RIMS2: variants seen among roughly 807,000 people sequenced by gnomAD.
RIMS2 encodes the protein regulating synaptic membrane exocytosis protein 2.
RIMS2 carries 59 observed loss-of-function variants against 174.4 expected under a neutral mutation model. The ratio of observed to expected loss-of-function variants is 0.34; its 90% confidence interval spans 0.27 to 0.42. The LOEUF (loss-of-function observed/expected upper bound fraction) is 0.42. Among genes scored for constraint, RIMS2 ranks in the 10% least tolerant of loss-of-function variants. RIMS2 has a pLI of 1.00. For synonymous variants in RIMS2, 606 were observed against 572.5 expected, an observed-to-expected ratio of 1.06 and a Z score of -0.84; for missense variants, 1,620 against 1,666.3, an observed-to-expected ratio of 0.97 and a Z score of 0.48.
chr8:104,165,982 TTAGA>T (rs1292624439), intron 19 of RIMS2, among the ~76,000 whole-genome samples: 1 of 151,926 alleles, frequency 6.6e-6, no homozygotes, highest in South Asian at 2.1e-4. Flanking sequence ...GGAAGAGATG[TTAGA>T]TAGCCTATCA....
intron 2 of RIMS2, among the ~76,000 whole-genome samples, chr8:103,762,611 C>T (rs918518242): frequency 2.6e-4 from 40 of 151,998 alleles, no homozygotes; most frequent in Admixed American, 2.5e-3. Flanking sequence ...AATTCAATAC[C>T]GTCGCCAATT....
At chr8:104,094,489 T>C (rs923951953) in intron 19 of RIMS2, 24 of 670,356 alleles carry the variant, frequency 3.6e-5, no homozygotes, top group African/African-American at 3.4e-4. Context: ...CCAAAGGGAA[T>C]AGAAGAGGGA....
chr8:103,576,159 C>T (rs556549107), intron 1 of RIMS2, among the ~76,000 whole-genome samples: 1 of 152,316 alleles, frequency 6.6e-6, no homozygotes, highest in Non-Finnish European at 1.5e-5. Flanking sequence ...CCAGCCTTCC[C>T]ACACTATAAG....
chr8:103,990,193 G>A (rs1429126436), intron 17 of RIMS2, among the ~76,000 whole-genome samples: 2 of 152,044 alleles, frequency 1.3e-5, no homozygotes, highest in African/African-American at 2.4e-5. Flanking sequence ...ATCCTAAACC[G>A]ATTTTAGGAA....
intron 3 of RIMS2, among the ~76,000 whole-genome samples, chr8:103,803,531 A>G (rs1343173188): frequency 1.3e-5 from 2 of 152,234 alleles, no homozygotes; most frequent in Non-Finnish European, 2.9e-5. Flanking sequence ...CCACCATATG[A>G]CAACTAACTG....
At chr8:103,624,573 C>T (rs956557011) in intron 1 of RIMS2, among the ~76,000 whole-genome samples, 24 of 152,060 alleles carry the variant, frequency 1.6e-4, no homozygotes, top group African/African-American at 5.1e-4. Context: ...TTACTGTCAC[C>T]GTGAAATTCT....
intron 2 of RIMS2, among the ~76,000 whole-genome samples, chr8:103,729,590 TA>T (rs2097567382): frequency 6.6e-6 from 1 of 152,118 alleles, no homozygotes; most frequent in Non-Finnish European, 1.5e-5. Flanking sequence ...TTTGTGTTAT[TA>T]CTTCTACTTA....
chr8:103,964,333 T>A (rs1013167085), intron 15 of RIMS2, among the ~76,000 whole-genome samples: 2 of 152,326 alleles, frequency 1.3e-5, no homozygotes, highest in South Asian at 4.1e-4. Context: ...TGCCAGCATT[T>A]GGTGTTGTCA....
At chr8:103,678,935 G>T (rs747524753) in intron 1 of RIMS2, among the ~76,000 whole-genome samples, 3 of 151,854 alleles carry the variant, frequency 2.0e-5, no homozygotes, top group Non-Finnish European at 4.4e-5. Context: ...CATGTTTTTA[G>T]GTGGGAAGAC....
At chr8:103,758,006 GA>G (rs2098049292) in intron 2 of RIMS2, among the ~76,000 whole-genome samples, 1 of 152,102 alleles carries the variant, frequency 6.6e-6, no homozygotes. Flanking sequence ...AGCTGTGAGG[GA>G]ATACATTTCT....
chr8:104,249,629 A>G, intron 22 of RIMS2, 41 bp downstream of exon 28: 1 of 1,146,852 alleles, frequency 8.7e-7, no homozygotes, highest in Non-Finnish European at 1.3e-6. Flanking sequence ...TCCATAATCC[A>G]TATTGTTTCA....
intron 19 of RIMS2, among the ~76,000 whole-genome samples, chr8:104,097,728 T>A (rs183445733): frequency 2.0e-5 from 3 of 152,172 alleles, no homozygotes; most frequent in African/African-American, 7.2e-5. Context: ...GCAGTTAGGA[T>A]TTTGGATTTT....
At chr8:104,200,415 A>G (rs1321240579) in intron 19 of RIMS2, among the ~76,000 whole-genome samples, 1 of 152,172 alleles carries the variant, frequency 6.6e-6, no homozygotes, top group Non-Finnish European at 1.5e-5. Context: ...TAAATCTGGC[A>G]GAGATGTCTA....
chr8:103,581,594 T>C (rs2093622747), intron 1 of RIMS2, among the ~76,000 whole-genome samples: 1 of 152,182 alleles, frequency 6.6e-6, no homozygotes, highest in Non-Finnish European at 1.5e-5. Context: ...TCACCACTTT[T>C]AATCAATATA....
intron 19 of RIMS2, among the ~76,000 whole-genome samples, chr8:104,058,079 T>C (rs1247212736): frequency 2.0e-5 from 3 of 150,416 alleles, no homozygotes; most frequent in Non-Finnish European, 4.5e-5. Flanking sequence ...TTTGGGTATA[T>C]ACCCAGTAAT....
intron 1 of RIMS2, among the ~76,000 whole-genome samples, chr8:103,632,752 T>TTTTTTA (rs2095966280): frequency 7.0e-6 from 1 of 143,286 alleles, no homozygotes; most frequent in Admixed American, 6.9e-5. Context: ...TTTTTTTTTT[T>TTTTTTA]TTTTGAGATG....
At chr8:103,749,061 A>G (rs1405337331) in intron 2 of RIMS2, among the ~76,000 whole-genome samples, 1 of 151,410 alleles carries the variant, frequency 6.6e-6, no homozygotes, top group Non-Finnish European at 1.5e-5. Flanking sequence ...GGCCTCCCAA[A>G]GTGCTGGGAT....
At chr8:104,209,998 A>G (rs992546076) in intron 19 of RIMS2, among the ~76,000 whole-genome samples, 6 of 152,170 alleles carry the variant, frequency 3.9e-5, no homozygotes, top group Non-Finnish European at 8.8e-5. Context: ...ATACCAAAGA[A>G]TGAAAGAGAA....
chr8:103,711,828 C>T (rs538266583), intron 2 of RIMS2, among the ~76,000 whole-genome samples: 16 of 151,740 alleles, frequency 1.1e-4, no homozygotes, highest in African/African-American at 2.2e-4. Context: ...GCCTGGGAGG[C>T]GGCGGATGGA....
Sources: gnomAD v4.1 joint callset for allele counts (sites outside exome capture counted in the v4.1 genomes callset) on GRCh38, gnomAD v4.1.1 for gene constraint, MANE v1.5 for transcripts, NCBI Gene and HGNC (gene_info 2026-07-23, HGNC 2026-07-21) for gene names.